Variants in NIN observed in about 807,000 individuals in gnomAD.
The protein encoded by NIN is ninein, also known as glycogen synthase kinase 3 beta-interacting protein.
In NIN, 137 loss-of-function variants were observed where a neutral mutation model predicts 257.6. That is an observed-to-expected ratio of 0.53 (90% CI 0.46 to 0.61). The LOEUF is 0.61. Among genes scored for constraint, NIN ranks in the 20% least tolerant of loss-of-function variants. The pLI is 0.00. For missense variants in NIN, 2,439 were observed against 2,501.2 expected, an observed-to-expected ratio of 0.98 and a Z score of 0.53; for synonymous variants, 918 against 919.8, an observed-to-expected ratio of 1.00 and a Z score of 0.04.
intron 5 of NIN, among the ~76,000 whole-genome samples, chr14:50,788,460 G>T (rs905771973): frequency 2.6e-5 from 4 of 152,242 alleles, no homozygotes; most frequent in African/African-American, 9.6e-5. Context: ...GGGTGGAGTT[G>T]TAAGTAGACT....
At chr14:50,726,204 A>C in intron 29 of NIN, 138 bp from the exon 30 acceptor site, 2 of 660,456 alleles carry the variant, frequency 3.0e-6, no homozygotes, top group South Asian at 3.8e-5. Context: ...TCATGAAATG[A>C]GAGTTTTGAG....
At chr14:50,761,272 C>T (rs981080357) in intron 16 of NIN, among the ~76,000 whole-genome samples, 2 of 152,154 alleles carry the variant, frequency 1.3e-5, no homozygotes, top group East Asian at 1.9e-4. Context: ...AGTAGACTTT[C>T]GAGAGGCAGA....
intron 4 of NIN, among the ~76,000 whole-genome samples, chr14:50,800,730 T>C (rs2044060563): frequency 6.6e-6 from 1 of 152,120 alleles, no homozygotes; most frequent in African/African-American, 2.4e-5. Flanking sequence ...ATATCCTCTT[T>C]TGTTGTTGTA....
At chr14:50,753,115 T>G (rs572602499) in intron 20 of NIN, among the ~76,000 whole-genome samples, 1 of 152,298 alleles carries the variant, frequency 6.6e-6, no homozygotes, top group East Asian at 1.9e-4. Flanking sequence ...AAAGACTCTT[T>G]CCAGGTGGGC....
chr14:50,788,896 C>T (rs1019769606), intron 5 of NIN, among the ~76,000 whole-genome samples: 3 of 152,120 alleles, frequency 2.0e-5, no homozygotes, highest in Non-Finnish European at 4.4e-5. Flanking sequence ...CCTTTAACTT[C>T]GGATGATGGG....
chr14:50,806,964 A>G, intron 3 of NIN, 146 bp from the exon 4 acceptor site: 1 of 479,730 alleles, frequency 2.1e-6, no homozygotes, highest in Non-Finnish European at 3.6e-6. Flanking sequence ...TCATTTCTCT[A>G]AAGACAGAAG....
chr14:50,764,468 G>A (rs932735359), intron 14 of NIN, among the ~76,000 whole-genome samples: 6 of 152,134 alleles, frequency 3.9e-5, no homozygotes, highest in African/African-American at 1.4e-4. Flanking sequence ...GTTAAACATA[G>A]GGTTACCATA....
intron 14 of NIN, among the ~76,000 whole-genome samples, 190 bp downstream of exon 14, chr14:50,766,117 T>C (rs1437129236): frequency 6.6e-6 from 1 of 151,984 alleles, no homozygotes; most frequent in Admixed American, 6.6e-5. Flanking sequence ...GCACTTTACA[T>C]ATACTCACTG....
intron 4 of NIN, among the ~76,000 whole-genome samples, chr14:50,800,434 G>C (rs2044047659): frequency 6.6e-6 from 1 of 152,134 alleles, no homozygotes; most frequent in South Asian, 2.1e-4. Context: ...GTATCATGTT[G>C]GTGCTTAAAA....
rs368927641 is a variant in NIN, at chr14:50,822,555, T to C, written c.-21-478A>G. 5.1e-4 allele frequency among the ~76,000 whole-genome samples: 78 copies of C among 152,330 alleles called. 1 individual carries two copies. The South Asian group carries it at 0.016, about 31-fold the overall frequency. ...AGCTTCCATGCTAGCTGGCAAGCTT[T>C]AGACAACCTGCCCCGATGGTGCAAT... On this transcript the variant is annotated intron_variant, in intron 2 of 30. Transcript: ENST00000530997.
intron 2 of NIN, among the ~76,000 whole-genome samples, chr14:50,827,689 A>T (rs12879180): frequency 6.8e-6 from 1 of 148,026 alleles, no homozygotes; most frequent in Non-Finnish European, 1.5e-5. Flanking sequence ...CCTGGGAGGC[A>T]GAGGTTGCAG....
chr14:50,754,669 G>A (rs377065739), intron 19 of NIN, 37 bp from the exon 20 acceptor site: 24 of 1,591,662 alleles, frequency 1.5e-5, no homozygotes, highest in Non-Finnish European at 1.8e-5. Context: ...TAATGGTTAG[G>A]CTTTAAAAGC....
chr14:50,730,910 G>A, intron 28 of NIN: 1 of 1,341,818 alleles, frequency 7.5e-7, no homozygotes, highest in Non-Finnish European at 9.8e-7. Flanking sequence ...TTCATTGAAA[G>A]AGAATGTTCT....
intron 21 of NIN, among the ~76,000 whole-genome samples, chr14:50,749,730 C>T (rs1002206564): frequency 6.6e-6 from 1 of 152,046 alleles, no homozygotes; most frequent in Admixed American, 6.6e-5. Context: ...CACTCTGTTG[C>T]CCAGGCTGAA....
chr14:50,738,171 A>C lies in NIN; in HGVS notation c.5744T>G (p.Phe1915Cys), dbSNP rs1193303313. ...KLSLKRECDQFQKEQSPANRK... is the reference protein window; with the variant it reads ...KLSLKRECDQCQKEQSPANRK... ...GTTAGCAGGAGATTGTTCTTTCTGA[A>C]ACTGATCACACTCTCTCTTTAAGCT... Residue 1915 changes from phenylalanine to cysteine, a missense_variant, in exon 27 of 31, where the codon TTT becomes TGT. By Grantham distance (205) the Phe-to-Cys change is radical. Around this residue, in one of 3 missense-constraint regions of NIN, gnomAD observed 2,043 missense variants for 2,050.2 expected, o/e 1.00. Transcript: ENST00000530997. The C allele has an allele frequency of 1.2e-6, 2 of 1,613,998 alleles. No individual in the cohort carries two copies.
chr14:50,781,117 G>A (rs193215083), intron 5 of NIN, among the ~76,000 whole-genome samples: 1 of 151,892 alleles, frequency 6.6e-6, no homozygotes, highest in Non-Finnish European at 1.5e-5. Flanking sequence ...ATACTACTTC[G>A]GCATCCAAAA....
intron 30 of NIN, chr14:50,724,130 G>T: frequency 5.2e-6 from 1 of 190,674 alleles, no homozygotes; most frequent in Non-Finnish European, 1.1e-5. Flanking sequence ...TTATAACAGA[G>T]ATAAGATTTG....
In NIN at chr14:50,758,243, C is replaced by T; in HGVS notation, c.2787G>A (p.Gln929=). The part of the protein sequence containing the change: ...LEDLRNVSET[Q]QSLLSDQILE... Reference sequence around the variant, plus strand: ...GTATCTGGTCAGACAGCAGGCTTTGCTGGGTTTCAGATACATTTCTTAGGT... The same window carrying T: ...GTATCTGGTCAGACAGCAGGCTTTGTTGGGTTTCAGATACATTTCTTAGGT... Residue 929 remains glutamine, a synonymous_variant, in exon 18 of 31, where the codon CAG becomes CAA. Coordinates refer to ENST00000530997, the MANE Select transcript of NIN (RefSeq NM_020921.4). 3 of 1,614,168 alleles carry T rather than the reference C, an allele frequency of 1.9e-6. No homozygotes were observed. Among genetic ancestry groups the T allele is most frequent in the Non-Finnish European group, 2.5e-6 (3 of 1,180,018 alleles).
intron 20 of NIN, 40 bp from the exon 21 acceptor site, chr14:50,752,773 T>A: frequency 2.6e-5 from 27 of 1,046,098 alleles, no homozygotes; most frequent in Non-Finnish European, 3.4e-5. Context: ...CTTGTTACCC[T>A]ACTTGTGCTA....
Sources: allele counts gnomAD v4.1 joint callset (sites outside exome capture counted in the v4.1 genomes callset), GRCh38; gene constraint gnomAD v4.1.1; regional missense constraint gnomAD v4.1.1; transcripts MANE v1.5; gene names NCBI Gene and HGNC (gene_info 2026-07-23, HGNC 2026-07-21).